The following CHRM3 variants were observed in gnomAD, a reference collection of about 807,000 sequenced individuals.
CHRM3 encodes cholinergic receptor muscarinic 3, also known as muscarinic acetylcholine receptor M3.
CHRM3 carries 11 observed loss-of-function variants against 41.8 expected under a neutral mutation model. The ratio of observed to expected loss-of-function variants is 0.26; its 90% confidence interval spans 0.17 to 0.44. CHRM3 has a LOEUF of 0.44. Ranked by LOEUF, CHRM3 falls within the 20% of genes least tolerant of loss-of-function variation. CHRM3 has a pLI of 1.00. For synonymous variants in CHRM3, 297 were observed against 301.4 expected (o/e 0.99, Z 0.15); for missense variants, 571 against 745.4 (o/e 0.77, Z 2.72).
At position 239,618,649 on chromosome 1, in the gene CHRM3, C is replaced by A. The variant is rs759898344; in HGVS notation, c.-312-13575C>A. On this transcript the variant is annotated intron_variant, in intron 3 of 6. Transcript: ENST00000676153. ...CACGAGGTCAGGAGATCGAGACCAT[C>A]CTGGCTAACACGGTGAAACCCCGTC... Among the ~76,000 whole-genome samples the A allele has an allele frequency of 7.9e-4, 119 of 151,410 alleles. 1 individual carries two copies. Among genetic ancestry groups the A allele is most frequent in the Non-Finnish European group, 1.4e-3 (93 of 67,884 alleles).
intron 1 of CHRM3, among the ~76,000 whole-genome samples, chr1:239,446,998 T>G (rs1664199621): frequency 6.6e-6 from 1 of 152,204 alleles, no homozygotes; most frequent in African/African-American, 2.4e-5. Context: ...ATTTTGTTGT[T>G]GTTAATGGCT....
intron 2 of CHRM3, among the ~76,000 whole-genome samples, chr1:239,535,582 T>C (rs1658119297): frequency 2.0e-5 from 3 of 151,602 alleles, no homozygotes; most frequent in Non-Finnish European, 4.4e-5. Context: ...TCTTACAGTC[T>C]TGTTAGTAAA....
At chr1:239,404,412 A>G (rs202172340) in intron 1 of CHRM3, among the ~76,000 whole-genome samples, 1,349 of 40,826 alleles carry the variant, frequency 0.033, 53 homozygotes, top group East Asian at 0.077. Context: ...AAGAAAGAAA[A>G]AGAAAGAAAG....
chr1:239,482,837 TATG>T (rs1294625708), intron 1 of CHRM3, among the ~76,000 whole-genome samples: 2 of 152,234 alleles, frequency 1.3e-5, no homozygotes, highest in Non-Finnish European at 2.9e-5. Context: ...GAATGAATAA[TATG>T]ATAAGAATTT....
At chr1:239,581,309 C>T (rs1184875779) in intron 3 of CHRM3, among the ~76,000 whole-genome samples, 1 of 151,918 alleles carries the variant, frequency 6.6e-6, no homozygotes, top group Non-Finnish European at 1.5e-5. Flanking sequence ...ATAGATATTG[C>T]TCTCCTTTTT....
intron 5 of CHRM3, among the ~76,000 whole-genome samples, chr1:239,757,808 C>T (rs1027726593): frequency 1.3e-5 from 2 of 152,170 alleles, no homozygotes; most frequent in African/African-American, 4.8e-5. Flanking sequence ...AATGTTAATG[C>T]ATTCTGTTTG....
At chr1:239,642,518 A>T (rs1046482662) in intron 4 of CHRM3, among the ~76,000 whole-genome samples, 1 of 151,926 alleles carries the variant, frequency 6.6e-6, no homozygotes, top group Non-Finnish European at 1.5e-5. Flanking sequence ...CATTCATTTC[A>T]TCTTCCATCA....
At chr1:239,705,899 A>G (rs1572041929) in intron 5 of CHRM3, among the ~76,000 whole-genome samples, 1 of 152,026 alleles carries the variant, frequency 6.6e-6, no homozygotes, top group Non-Finnish European at 1.5e-5. Flanking sequence ...GTAAGCTTTT[A>G]TATACAACTG....
chr1:239,436,260 G>C (rs1401900223), intron 1 of CHRM3, among the ~76,000 whole-genome samples: 1 of 152,074 alleles, frequency 6.6e-6, no homozygotes, highest in Non-Finnish European at 1.5e-5. Flanking sequence ...GTACCACTTT[G>C]GGCTAGTCAA....
At chr1:239,558,766 G>T (rs1186480050) in intron 3 of CHRM3, among the ~76,000 whole-genome samples, 1 of 152,082 alleles carries the variant, frequency 6.6e-6, no homozygotes, top group Non-Finnish European at 1.5e-5. Flanking sequence ...CAGGTCAAAA[G>T]TTTTTGCCTT....
At chr1:239,404,418 G>A (rs1301337622) in intron 1 of CHRM3, among the ~76,000 whole-genome samples, 12 of 80,376 alleles carry the variant, frequency 1.5e-4, no homozygotes, top group Admixed American at 5.3e-4. Context: ...GAAAAAGAAA[G>A]AAAGAAAGAA....
chr1:239,708,127 T>G (rs1467188964), intron 5 of CHRM3, among the ~76,000 whole-genome samples: 1 of 152,218 alleles, frequency 6.6e-6, no homozygotes, highest in African/African-American at 2.4e-5. Flanking sequence ...AATAACACTT[T>G]ATGTTTCAGA....
chr1:239,815,993 T>C (rs1671547536), intron 5 of CHRM3, among the ~76,000 whole-genome samples: 1 of 152,150 alleles, frequency 6.6e-6, no homozygotes, highest in Admixed American at 6.5e-5. Context: ...CATTTCAGTC[T>C]GGTTTGTCTT....
intron 2 of CHRM3, among the ~76,000 whole-genome samples, chr1:239,531,079 T>A (rs145509460): frequency 1.3e-5 from 2 of 152,204 alleles, no homozygotes; most frequent in East Asian, 3.9e-4. Context: ...ATAGAAAAAT[T>A]AAAATGTTTA....
chr1:239,677,323 A>C (rs1658108830), intron 4 of CHRM3, among the ~76,000 whole-genome samples: 1 of 152,240 alleles, frequency 6.6e-6, no homozygotes, highest in Non-Finnish European at 1.5e-5. Flanking sequence ...TGATGAGTGA[A>C]TGTCAAATAC....
At chr1:239,428,954 G>C (rs1264575088) in intron 1 of CHRM3, among the ~76,000 whole-genome samples, 2 of 152,156 alleles carry the variant, frequency 1.3e-5, no homozygotes, top group African/African-American at 4.8e-5. Context: ...GATCTTCTTA[G>C]CTGTTTCTGA....
chr1:239,805,895 A>G (rs1341985113), intron 5 of CHRM3, among the ~76,000 whole-genome samples: 2 of 152,178 alleles, frequency 1.3e-5, no homozygotes, highest in East Asian at 3.9e-4. Flanking sequence ...GTTAGTTCTA[A>G]AGAGGTTTGC....
chr1:239,400,014 C>T (rs1659831885), intron 1 of CHRM3, among the ~76,000 whole-genome samples: 1 of 152,036 alleles, frequency 6.6e-6, no homozygotes, highest in Non-Finnish European at 1.5e-5. Flanking sequence ...CTGGTTCAAG[C>T]GATTCTCCTG....
intron 5 of CHRM3, among the ~76,000 whole-genome samples, chr1:239,783,626 C>G (rs1000737900): frequency 1.3e-5 from 2 of 151,998 alleles, no homozygotes; most frequent in Non-Finnish European, 2.9e-5. Context: ...GAGAACTGAA[C>G]AAGATTAATA....
Sources: gnomAD v4.1 joint callset for allele counts (sites outside exome capture counted in the v4.1 genomes callset) on GRCh38, gnomAD v4.1.1 for gene constraint, MANE v1.5 for transcripts, NCBI Gene and HGNC (gene_info 2026-07-23, HGNC 2026-07-21) for gene names.